The following NDST4 variants were observed in gnomAD, a reference collection of about 807,000 sequenced individuals.
NDST4 encodes the protein N-deacetylase and N-sulfotransferase 4.
NDST4 carries 63 observed loss-of-function variants against 100.8 expected under a neutral mutation model. That is an observed-to-expected ratio of 0.62 (90% CI 0.51 to 0.77). NDST4 has a LOEUF of 0.77. NDST4 is among the 30% of genes least tolerant of loss of function. NDST4 has a pLI of 0.00. For missense variants in NDST4, 943 were observed against 1,018.4 expected (o/e 0.93, Z 1.01); for synonymous variants, 377 against 361.8 (o/e 1.04, Z -0.48).
intron 8 of NDST4, among the ~76,000 whole-genome samples, chr4:114,849,669 C>T (rs573994002): frequency 6.6e-6 from 1 of 152,226 alleles, no homozygotes; most frequent in Admixed American, 6.5e-5. Flanking sequence ...GAATGAAACA[C>T]TGTGTGCGAA....
intron 2 of NDST4, among the ~76,000 whole-genome samples, chr4:114,996,671 C>T (rs753287330): frequency 1.2e-4 from 18 of 152,004 alleles, no homozygotes; most frequent in Non-Finnish European, 2.4e-4. Flanking sequence ...CAAATAAGCA[C>T]ATCTCATTTT....
chr4:115,007,527 G>A lies in NDST4; in HGVS notation c.979-30253C>T, dbSNP rs567777543. On this transcript the variant is annotated intron_variant, in intron 2 of 13. Coordinates refer to ENST00000264363, the MANE Select transcript of NDST4 (RefSeq NM_022569.3). ...TGGATTAAGAAAGAGTTTTTTATTCGGTTGTTTTTTGTTGGTTTGTTTAAG... is the reference window on the plus strand; with the variant it reads ...TGGATTAAGAAAGAGTTTTTTATTCAGTTGTTTTTTGTTGGTTTGTTTAAG... Among the ~76,000 whole-genome samples the A allele has an allele frequency of 2.6e-5, 4 of 152,150 alleles. No individual in the cohort carries two copies. The East Asian group carries it at 5.8e-4, about 22-fold the overall frequency.
At chr4:114,840,640 A>G (rs1250503770) in intron 10 of NDST4, among the ~76,000 whole-genome samples, 1 of 152,198 alleles carries the variant, frequency 6.6e-6, no homozygotes, top group African/African-American at 2.4e-5. Context: ...GAAAACTAAG[A>G]GGACTTCGTC....
intron 6 of NDST4, among the ~76,000 whole-genome samples, chr4:114,927,316 G>C (rs898046618): frequency 7.3e-5 from 11 of 151,686 alleles, no homozygotes; most frequent in Admixed American, 2.0e-4. Context: ...CTTAGTACAA[G>C]ATGAACTATT....
intron 2 of NDST4, among the ~76,000 whole-genome samples, chr4:115,044,014 A>G (rs1385294196): frequency 6.6e-6 from 1 of 152,138 alleles, no homozygotes; most frequent in East Asian, 1.9e-4. Context: ...GTATAATTTT[A>G]ACAAATTCAA....
chr4:114,847,709 G>T (rs116277228), intron 9 of NDST4, among the ~76,000 whole-genome samples: 1 of 151,734 alleles, frequency 6.6e-6, no homozygotes, highest in Non-Finnish European at 1.5e-5. Flanking sequence ...TTTTATGTAC[G>T]TGTGTGACTA....
At chr4:114,959,937 G>A (rs930970940) in intron 4 of NDST4, among the ~76,000 whole-genome samples, 1 of 152,100 alleles carries the variant, frequency 6.6e-6, no homozygotes, top group African/African-American at 2.4e-5. Context: ...CATATAAGAA[G>A]CTCAGTGAAC....
chr4:114,974,107 C>A (rs1383705117), intron 3 of NDST4, among the ~76,000 whole-genome samples: 2 of 151,756 alleles, frequency 1.3e-5, no homozygotes, highest in Non-Finnish European at 2.9e-5. Context: ...AAGCATTGCT[C>A]CTAATAAAAG....
At chr4:115,107,935 G>A (rs1420157672) in intron 1 of NDST4, among the ~76,000 whole-genome samples, 1 of 151,928 alleles carries the variant, frequency 6.6e-6, no homozygotes. Flanking sequence ...TGGATATCAA[G>A]AAAATGTCCT....
chr4:115,088,966 A>G (rs1158699348), intron 1 of NDST4, among the ~76,000 whole-genome samples: 1 of 152,216 alleles, frequency 6.6e-6, no homozygotes, highest in African/African-American at 2.4e-5. Flanking sequence ...TAAATGAGTA[A>G]TTATTCATGG....
intron 6 of NDST4, among the ~76,000 whole-genome samples, chr4:114,890,972 A>G (rs999393142): frequency 1.3e-5 from 2 of 151,992 alleles, no homozygotes; most frequent in Non-Finnish European, 2.9e-5. Context: ...GAACTGACTC[A>G]TTAGTTCTTT....
At chr4:114,899,683 A>G (rs1161281727) in intron 6 of NDST4, among the ~76,000 whole-genome samples, 1 of 152,162 alleles carries the variant, frequency 6.6e-6, no homozygotes, top group African/African-American at 2.4e-5. Context: ...CATACTTGAA[A>G]TAAATTCCAC....
intron 6 of NDST4, among the ~76,000 whole-genome samples, chr4:114,881,954 A>AT (rs33935242): frequency 6.7e-4 from 102 of 151,790 alleles, no homozygotes; most frequent in African/African-American, 2.3e-3. Flanking sequence ...ATTTAGATAT[A>AT]TTTTTTTTAA....
At chr4:115,057,962 G>A in intron 2 of NDST4, among the ~76,000 whole-genome samples, 1 of 152,086 alleles carries the variant, frequency 6.6e-6, no homozygotes, top group South Asian at 2.1e-4. Flanking sequence ...ATGTAAATAT[G>A]TATAACTGTA....
intron 6 of NDST4, among the ~76,000 whole-genome samples, chr4:114,875,311 T>C (rs1043177010): frequency 6.6e-6 from 1 of 152,184 alleles, no homozygotes; most frequent in Admixed American, 6.6e-5. Flanking sequence ...AACTTTCTTA[T>C]CTGTTGTAAA....
At chr4:114,958,780 A>T (rs965215825) in intron 4 of NDST4, among the ~76,000 whole-genome samples, 2 of 152,138 alleles carry the variant, frequency 1.3e-5, no homozygotes, top group Non-Finnish European at 2.9e-5. Flanking sequence ...CCCAGCTTGA[A>T]TTTCTGTTCA....
chr4:114,986,832 A>ATTTTTTTT lies in NDST4; in HGVS notation c.979-9559_979-9558insAAAAAAAA, dbSNP rs58065684. Among the ~76,000 whole-genome samples the ATTTTTTTT allele has an allele frequency of 1.4e-3, 134 of 94,632 alleles. 1 individual carries two copies. Among genetic ancestry groups the ATTTTTTTT allele is most frequent in the African/African-American group, 4.0e-3 (107 of 26,988 alleles). 62.1% of individuals were successfully genotyped at this position (94,632 alleles called of 152,430 possible). Reference sequence around the variant, plus strand: ...TATATATATATATATATATATATATATTTTAATATACTATTCCTATAAGCT... The same window carrying ATTTTTTTT: ...TATATATATATATATATATATATATATTTTTTTTTTTTAATATACTATTCCTATAAGCT... On this transcript the variant is annotated intron_variant, in intron 2 of 13. Transcript: ENST00000264363.
intron 1 of NDST4, among the ~76,000 whole-genome samples, chr4:115,088,933 T>C (rs1283147313): frequency 6.6e-6 from 1 of 152,096 alleles, no homozygotes; most frequent in Non-Finnish European, 1.5e-5. Context: ...GCTGTCATAG[T>C]ACAGCCTATA....
At chr4:115,094,481 G>T (rs1177078141) in intron 1 of NDST4, among the ~76,000 whole-genome samples, 2 of 152,102 alleles carry the variant, frequency 1.3e-5, no homozygotes, top group African/African-American at 4.8e-5. Flanking sequence ...CATAATTCAT[G>T]AATATAAGAT....
Sources: allele counts gnomAD v4.1 joint callset (sites outside exome capture counted in the v4.1 genomes callset), GRCh38; gene constraint gnomAD v4.1.1; transcripts MANE v1.5; gene names NCBI Gene and HGNC (gene_info 2026-07-23, HGNC 2026-07-21).